DMRTA2: variants seen among roughly 807,000 people sequenced by gnomAD.
The protein encoded by DMRTA2 is doublesex- and mab-3-related transcription factor A2.
Under a neutral mutation model 29.7 loss-of-function variants are expected in DMRTA2, and 10 were observed. The observed-to-expected ratio is 0.34, with a 90% CI of 0.21 to 0.57. The LOEUF (loss-of-function observed/expected upper bound fraction) is 0.57, where lower values mean the gene tolerates loss of function less well. DMRTA2 is among the 20% of genes least tolerant of loss of function. The pLI is 0.87. For missense variants in DMRTA2, 783 were observed against 812.1 expected, an observed-to-expected ratio of 0.96 and a Z score of 0.44; for synonymous variants, 469 against 402.6, an observed-to-expected ratio of 1.16 and a Z score of -1.97.
chr1:50,420,578 G>GC lies in DMRTA2; in HGVS notation c.559+399_559+400insG, dbSNP rs1299757008. Among the ~76,000 whole-genome samples, 2 of 151,822 alleles carry GC rather than the reference G, an allele frequency of 1.3e-5. No homozygotes were observed. The highest frequency in any genetic ancestry group is 2.9e-5 in the Non-Finnish European group (2 of 67,914). On this transcript the variant is annotated intron_variant, in intron 2 of 2. Transcript: ENST00000404795. This position sits in a 1 kb window ranked among gnomAD's most constrained non-coding sequence, Gnocchi z 4.1. ...TCAAAACCTAGGGTGTCAGTTAAAG[G>GC]GGGGGGGATTCCTTAAGGGAGTTGG...
chr1:50,421,487 G>T lies in DMRTA2; in HGVS notation c.50C>A (p.Ala17Glu). 1 of 1,271,654 alleles carries T rather than the reference G, an allele frequency of 7.9e-7. No homozygotes were observed. Among genetic ancestry groups the T allele is most frequent in the East Asian group, 3.1e-5 (1 of 31,868 alleles). 78.8% of individuals were successfully genotyped at this position (1,271,654 alleles called of 1,614,324 possible). The change falls in exon 2 of 3, where the codon GCG becomes GAG. Residue 17 changes from alanine to glutamate, a missense_variant. By Grantham distance (107) the Ala-to-Glu change is moderately radical. Coordinates refer to ENST00000404795, the MANE Select transcript of DMRTA2 (RefSeq NM_032110.3). This position sits in a 1 kb window ranked among gnomAD's most constrained non-coding sequence, Gnocchi z 8.7. ...AGGCGGCCCCGTCGCTGTTGCCGCC[G>T]CCGCCGTCGCCGCGCCGGGCACGCT... ...LPSVPGAATAAAATATGPPVA... is the reference protein window; with the variant it reads ...LPSVPGAATAEAATATGPPVA...
chr1:50,419,226 C>T lies in DMRTA2; in HGVS notation c.1068G>A (p.Gly356=). 6.6e-7 allele frequency: 1 copy of T among 1,506,558 alleles called. No homozygotes were observed. Among genetic ancestry groups the T allele is most frequent in the African/African-American group, 1.4e-5 (1 of 69,568 alleles). 93.3% of individuals were successfully genotyped at this position (1,506,558 alleles called of 1,614,324 possible). A position where few individuals can be genotyped will look rare whatever the true frequency, so the allele number is the denominator to read the frequency against. The change falls in exon 3 of 3, where the codon GGG becomes GGA. Residue 356 remains glycine, a synonymous_variant. Coordinates refer to ENST00000404795, the MANE Select transcript of DMRTA2 (RefSeq NM_032110.3). This position sits in a 1 kb window ranked among gnomAD's most constrained non-coding sequence, Gnocchi z 6.1. ...CAGGGCCCAGGCCGGCCGCCAGGCC[C>T]CCACGGTGGTGGTTCAGCACCTGCT... ...AIEQVLNHHR[G]GLAAGLGPAA...
At position 50,419,215 on chromosome 1, in the gene DMRTA2, G is replaced by A; in HGVS notation, c.1079C>T (p.Ala360Val). ...VLNHHRGGLA[A>V]GLGPAAPPDK... is the part of the protein sequence containing the mutation. ...TGGGGGCGCCGCAGGGCCCAGGCCGGCCGCCAGGCCCCCACGGTGGTGGTT... is the reference window on the plus strand; with the variant it reads ...TGGGGGCGCCGCAGGGCCCAGGCCGACCGCCAGGCCCCCACGGTGGTGGTT... Residue 360 changes from alanine to valine, a missense_variant, in exon 3 of 3, where the codon GCC (alanine) becomes GTC (valine). Around this residue, in one of 3 missense-constraint regions of DMRTA2, gnomAD observed 667 missense variants for 624.8 expected, o/e 1.07. Coordinates refer to ENST00000404795, the MANE Select transcript of DMRTA2 (RefSeq NM_032110.3). This position sits in a 1 kb window ranked among gnomAD's most constrained non-coding sequence, Gnocchi z 6.1. 2 of 1,465,544 alleles carry A rather than the reference G, an allele frequency of 1.4e-6. No homozygotes were observed. Among genetic ancestry groups the A allele is most frequent in the South Asian group, 2.7e-5 (2 of 73,352 alleles). 90.8% of individuals were successfully genotyped at this position (1,465,544 alleles called of 1,614,324 possible).
rs1473320982 is a variant in DMRTA2, at chr1:50,419,632, C to A, written c.662G>T (p.Gly221Val). The A allele has an allele frequency of 3.9e-6, 6 of 1,524,292 alleles. No individual in the cohort carries two copies. Among genetic ancestry groups the A allele is most frequent in the Non-Finnish European group, 5.3e-6 (6 of 1,138,542 alleles). 94.4% of individuals were successfully genotyped at this position (1,524,292 alleles called of 1,614,324 possible). A position where few individuals can be genotyped will look rare whatever the true frequency, so the allele number is the denominator to read the frequency against. The change falls in exon 3 of 3, where the codon GGC becomes GTC. Residue 221 changes from glycine to valine, a missense_variant. This residue lies in a region of DMRTA2 where 667 missense variants were observed against 624.8 expected (regional missense o/e 1.07). Coordinates refer to ENST00000404795, the MANE Select transcript of DMRTA2 (RefSeq NM_032110.3). The surrounding 1 kb of genome is among the most constrained non-coding windows in gnomAD (Gnocchi z 6.1). Reference protein sequence around the residue: ...PPPVKPLSPDGADSGPGTSSP... With the variant: ...PPPVKPLSPDVADSGPGTSSP... ...CGACGTCCCGGGCCCCGAGTCTGCG[C>A]CGTCGGGTGATAAGGGCTTCACCGG... is the stretch of plus-strand genomic sequence containing the variant.
chr1:50,418,965 G>A lies in DMRTA2; in HGVS notation c.1329C>T (p.Pro443=), dbSNP rs957410016. The A allele has an allele frequency of 2.8e-6, 4 of 1,442,016 alleles. No homozygotes were observed. Among genetic ancestry groups the A allele is most frequent in the Admixed American group, 5.9e-5 (2 of 33,930 alleles). 89.3% of individuals were successfully genotyped at this position (1,442,016 alleles called of 1,614,324 possible). A position where few individuals can be genotyped will look rare whatever the true frequency, so the allele number is the denominator to read the frequency against. Reference sequence around the variant, plus strand: ...CGTCGGCACCGAAGTGACTGGCGTTGGGCTGCAGCGGCGAGAAGGCCGAGC... The same window carrying A: ...CGTCGGCACCGAAGTGACTGGCGTTAGGCTGCAGCGGCGAGAAGGCCGAGC... ...SSRSAFSPLQ[P]NASHFGADAG... is the part of the protein sequence containing the mutation. The change falls in exon 3 of 3, where the codon CCC becomes CCT. Residue 443 remains proline (P), a synonymous_variant. Coordinates refer to ENST00000404795, the MANE Select transcript of DMRTA2 (RefSeq NM_032110.3).
Position 50,421,345 on chromosome 1 carries a change from G to A in DMRTA2, c.192C>T (p.Tyr64=), listed in dbSNP as rs1279723389. 6.6e-7 allele frequency: 1 copy of A among 1,525,032 alleles called. No homozygotes were observed. Among genetic ancestry groups the A allele is most frequent in the Admixed American group, 2.0e-5 (1 of 49,232 alleles). 94.5% of individuals were successfully genotyped at this position (1,525,032 alleles called of 1,614,324 possible). A position where few individuals can be genotyped will look rare whatever the true frequency, so the allele number is the denominator to read the frequency against. ...PPLLLRAAEK[Y]PRTPKCARCR... ...AGCGCGCGCACTTGGGGGTCCGCGG[G>A]TACTTCTCGGCTGCCCGCAGCAACA... The change falls in exon 2 of 3, where the codon TAC becomes TAT. Residue 64 remains tyrosine (Y), a synonymous_variant. Transcript: ENST00000404795. This position sits in a 1 kb window ranked among gnomAD's most constrained non-coding sequence, Gnocchi z 8.7.
At position 50,419,265 on chromosome 1, in the gene DMRTA2, C is replaced by G. The variant is rs750267500; in HGVS notation, c.1029G>C (p.Val343=). ...TCAGCACCTGCTCGATGGCCTGCAC[C>G]ACGTCGCCGCCGCAGCCCTGCAACA... The part of the protein sequence containing the change: ...ELVLQGCGGD[V]VQAIEQVLNH... The change falls in exon 3 of 3, where the codon GTG becomes GTC. Residue 343 remains valine (V), a synonymous_variant. Coordinates refer to ENST00000404795, the MANE Select transcript of DMRTA2 (RefSeq NM_032110.3). The surrounding 1 kb of genome is among the most constrained non-coding windows in gnomAD (Gnocchi z 6.1). The G allele has an allele frequency of 6.3e-7, 1 of 1,588,156 alleles. No individual in the cohort carries two copies. The highest frequency in any genetic ancestry group is 8.5e-7 in the Non-Finnish European group (1 of 1,175,652).
rs1175162643 is a variant in DMRTA2, at chr1:50,419,019, C to A, written c.1275G>T (p.Ala425=). 8 of 1,392,296 alleles carry A rather than the reference C, an allele frequency of 5.7e-6. No homozygotes were observed. Among genetic ancestry groups the A allele is most frequent in the Non-Finnish European group, 7.4e-6 (8 of 1,079,458 alleles). 86.2% of individuals were successfully genotyped at this position (1,392,296 alleles called of 1,614,324 possible). A position where few individuals can be genotyped will look rare whatever the true frequency, so the allele number is the denominator to read the frequency against. ...HHRPLLAGAM[A]PGALGSLSSR... The stretch of plus-strand genomic sequence containing the variant: ...TGCTCAGCGAGCCCAGCGCCCCAGG[C>A]GCCATGGCGCCGGCCAGCAAGGGTC... The change falls in exon 3 of 3, where the codon GCG becomes GCT. Residue 425 remains alanine (A), a synonymous_variant. Transcript: ENST00000404795. This position sits in a 1 kb window ranked among gnomAD's most constrained non-coding sequence, Gnocchi z 6.1.
rs1646000018 is a variant in DMRTA2, at chr1:50,418,128, T to A, written c.*537A>T. ...CGAGGAAAGTGCACCTTAAAACTTG[T>A]TTCCTTTTTTTTTTTTTACAATTGT... On this transcript the variant is annotated 3_prime_UTR_variant, in exon 3 of 3. Transcript: ENST00000404795. 9.4e-6 allele frequency: 1 copy of A among 106,846 alleles called. No individual in the cohort carries two copies. The highest frequency in any genetic ancestry group is 2.0e-5 in the Non-Finnish European group (1 of 51,252). The allele number at this position is 106,846 out of a possible 1,614,324, so 6.6% of individuals were successfully genotyped here. A position where few individuals can be genotyped will look rare whatever the true frequency, so the allele number is the denominator to read the frequency against.
rs1435842871 is a variant in DMRTA2 at position 50,421,659 on chromosome 1, G to T, written c.-8-115C>A. The T allele has an allele frequency of 2.5e-5, 29 of 1,171,668 alleles. No homozygotes were observed. Among genetic ancestry groups the T allele is most frequent in the Non-Finnish European group, 2.9e-5 (27 of 944,086 alleles). The allele number at this position is 1,171,668 out of a possible 1,614,324, so 72.6% of individuals were successfully genotyped here. A position where few individuals can be genotyped will look rare whatever the true frequency, so the allele number is the denominator to read the frequency against. On this transcript the variant is annotated intron_variant, in intron 1 of 2. Transcript: ENST00000404795. The surrounding 1 kb of genome is among the most constrained non-coding windows in gnomAD (Gnocchi z 8.7). ...GGAGAGGGAAATTTGGGCCGCGGAG[G>T]CTGGGCTAGAGGGGCCAGAATTGCT...
In DMRTA2 at chr1:50,421,848, A is replaced by C. The variant is rs760872162; in HGVS notation, c.-8-304T>G. ...GACATGTAAAGTGTGAAAGTCACTG[A>C]TTCAGATGGCTGTAATGAGAATTTG... On this transcript the variant is annotated intron_variant, in intron 1 of 2. Transcript: ENST00000404795. This position sits in a 1 kb window ranked among gnomAD's most constrained non-coding sequence, Gnocchi z 8.7. 5.3e-5 allele frequency among the ~76,000 whole-genome samples: 8 copies of C among 152,256 alleles called. No individual in the cohort carries two copies. The highest frequency in any genetic ancestry group is 8.8e-5 in the Non-Finnish European group (6 of 68,048).
chr1:50,418,559 C>T lies in DMRTA2; in HGVS notation c.*106G>A. 9.5e-7 allele frequency: 1 copy of T among 1,049,768 alleles called. No individual in the cohort carries two copies. The highest frequency in any genetic ancestry group is 1.3e-6 in the Non-Finnish European group (1 of 797,112). 65.0% of individuals were successfully genotyped at this position (1,049,768 alleles called of 1,614,324 possible). A position where few individuals can be genotyped will look rare whatever the true frequency, so the allele number is the denominator to read the frequency against. On this transcript the variant is annotated 3_prime_UTR_variant, in exon 3 of 3. Coordinates refer to ENST00000404795, the MANE Select transcript of DMRTA2 (RefSeq NM_032110.3). ...AAAACCACCTTAGAGTGAGAAGACG[C>T]CCAGCCAGGGCGCAGAGAGAGCGCT...
chr1:50,420,966 C>T lies in DMRTA2; in HGVS notation c.559+12G>A. 2.1e-6 allele frequency: 3 copies of T among 1,452,132 alleles called. No homozygotes were observed. Among genetic ancestry groups the T allele is most frequent in the Non-Finnish European group, 2.7e-6 (3 of 1,112,258 alleles). The allele number at this position is 1,452,132 out of a possible 1,614,324, so 90.0% of individuals were successfully genotyped here. On this transcript the variant is annotated intron_variant, in intron 2 of 2. Coordinates refer to ENST00000404795, the MANE Select transcript of DMRTA2 (RefSeq NM_032110.3). This position sits in a 1 kb window ranked among gnomAD's most constrained non-coding sequence, Gnocchi z 4.1. The stretch of plus-strand genomic sequence containing the variant: ...CCTGCTGCCCCTACCTGCGGCCTGG[C>T]CGCGCTCTCACCTGAGCCCCCTGCG...
rs753468830 is a variant in DMRTA2, at chr1:50,418,803, G to A, written c.1491C>T (p.Phe497=). 7 of 1,588,142 alleles carry A rather than the reference G, an allele frequency of 4.4e-6. No homozygotes were observed. In the Admixed American group the frequency reaches 1.2e-4, roughly 28 times the overall value. ...TAAAGGCGTAGTCCATGGGTGGGCG[G>A]AAGCCGAGCGTGGGCACCAAGCCGG... The part of the protein sequence containing the change: ...STAGLVPTLG[F]RPPMDYAFSD... Residue 497 remains phenylalanine, a synonymous_variant, in exon 3 of 3, where the codon TTC becomes TTT. Transcript: ENST00000404795.
At position 50,418,626 on chromosome 1, in the gene DMRTA2, T is replaced by C. The variant is rs1572733291; in HGVS notation, c.*39A>G. 3.0e-6 allele frequency: 4 copies of C among 1,351,986 alleles called. No individual in the cohort carries two copies. In the East Asian group the frequency reaches 1.2e-4, roughly 41 times the overall value. 83.7% of individuals were successfully genotyped at this position (1,351,986 alleles called of 1,614,324 possible). ...ATGGCCCGCGGGAACAGGGCTGGGG[T>C]TCCTGTTTGGGGACCGGCCGGCTGC... is the stretch of plus-strand genomic sequence containing the variant. On this transcript the variant is annotated 3_prime_UTR_variant, in exon 3 of 3. Transcript: ENST00000404795.
rs1163679249 is a variant in DMRTA2, at chr1:50,419,228, C to T, written c.1066G>A (p.Gly356Arg). The change falls in exon 3 of 3, where the codon GGG (glycine) becomes AGG (arginine). Residue 356 changes from glycine to arginine, a missense_variant. Gly to Arg is a moderately radical substitution (Grantham distance 125). Around this residue, in one of 3 missense-constraint regions of DMRTA2, gnomAD observed 667 missense variants for 624.8 expected, o/e 1.07. Coordinates refer to ENST00000404795, the MANE Select transcript of DMRTA2 (RefSeq NM_032110.3). The surrounding 1 kb of genome is among the most constrained non-coding windows in gnomAD (Gnocchi z 6.1). ...AIEQVLNHHR[G>R]GLAAGLGPAA... is the part of the protein sequence containing the mutation. ...GGGCCCAGGCCGGCCGCCAGGCCCC[C>T]ACGGTGGTGGTTCAGCACCTGCTCG... 3 of 1,514,628 alleles carry T rather than the reference C, an allele frequency of 2.0e-6. No individual in the cohort carries two copies. Among genetic ancestry groups the T allele is most frequent in the East Asian group, 2.6e-5 (1 of 38,652 alleles). The allele number at this position is 1,514,628 out of a possible 1,614,324, so 93.8% of individuals were successfully genotyped here.
rs1646042165 is a variant in DMRTA2 at position 50,422,001 on chromosome 1, A to G, written c.-8-457T>C. On this transcript the variant is annotated intron_variant, in intron 1 of 2. Transcript: ENST00000404795. The surrounding 1 kb of genome is among the most constrained non-coding windows in gnomAD (Gnocchi z 5.7). ...AGAAGTTAGGCTGATGCCAAGGGCA[A>G]AACAGGAAAACCCGGAGCAAAACGG... Among the ~76,000 whole-genome samples, 1 of 152,244 alleles carries G rather than the reference A, an allele frequency of 6.6e-6. No individual in the cohort carries two copies. The highest frequency in any genetic ancestry group is 1.5e-5 in the Non-Finnish European group (1 of 68,038).
rs776246841 is a variant in DMRTA2, at chr1:50,418,980, G to A, written c.1314C>T (p.Phe438=). ...GACTGGCGTTGGGCTGCAGCGGCGA[G>A]AAGGCCGAGCGGCTGCTCAGCGAGC... The part of the protein sequence containing the change: ...ALGSLSSRSA[F]SPLQPNASHF... Residue 438 remains phenylalanine (F), a synonymous_variant, in exon 3 of 3, where the codon TTC becomes TTT. Coordinates refer to ENST00000404795, the MANE Select transcript of DMRTA2 (RefSeq NM_032110.3). 217 of 1,436,198 alleles carry A rather than the reference G, an allele frequency of 1.5e-4. 2 individuals carry two copies. The African/African-American group carries it at 2.8e-3, about 19-fold the overall frequency. The allele number at this position is 1,436,198 out of a possible 1,614,324, so 89.0% of individuals were successfully genotyped here. A position where few individuals can be genotyped will look rare whatever the true frequency, so the allele number is the denominator to read the frequency against.
Position 50,417,638 on chromosome 1 carries a change from G to C in DMRTA2, c.*1027C>G, listed in dbSNP as rs1645995011. ...CTGCTCTGCAGCAGCGTTTTCCGCT[G>C]CGGGCCCTTCAGTCAGGGCGTTTGG... On this transcript the variant is annotated 3_prime_UTR_variant, in exon 3 of 3. Transcript: ENST00000404795. 6.6e-6 allele frequency: 1 copy of C among 152,230 alleles called. No individual in the cohort carries two copies. Among genetic ancestry groups the C allele is most frequent in the African/African-American group, 2.4e-5 (1 of 41,442 alleles). The allele number at this position is 152,230 out of a possible 1,614,324, so 9.4% of individuals were successfully genotyped here.
Sources: allele counts gnomAD v4.1 joint callset (sites outside exome capture counted in the v4.1 genomes callset), GRCh38; gene constraint gnomAD v4.1.1; regional missense constraint gnomAD v4.1.1; non-coding constraint Gnocchi (gnomAD v3.1); transcripts MANE v1.5; gene names NCBI Gene and HGNC (gene_info 2026-07-23, HGNC 2026-07-21).